The following YES1 variants were observed in gnomAD, a reference collection of about 807,000 sequenced individuals.
YES1 encodes tyrosine-protein kinase Yes.
Under a neutral mutation model 70.4 loss-of-function variants are expected in YES1, and 39 were observed. That is an observed-to-expected ratio of 0.55 (90% CI 0.43 to 0.72). The LOEUF (loss-of-function observed/expected upper bound fraction) is 0.72. YES1 is among the 30% of genes least tolerant of loss of function. The probability of loss-of-function intolerance (pLI) is 0.00; values close to 1 mark genes in which losing one functional copy is unlikely to be tolerated. For synonymous variants in YES1, 198 were observed against 218.6 expected (o/e 0.91, Z 0.83); for missense variants, 495 against 644.8 (o/e 0.77, Z 2.52).
intron 2 of YES1, among the ~76,000 whole-genome samples, chr18:754,799 T>C (rs549976997): frequency 3.9e-4 from 60 of 152,206 alleles, no homozygotes; most frequent in African/African-American, 1.4e-3. Flanking sequence ...ACCATCATTC[T>C]AGTTAGTTCC....
chr18:764,013 G>A (rs962060498), intron 1 of YES1, among the ~76,000 whole-genome samples: 11 of 151,640 alleles, frequency 7.3e-5, no homozygotes, highest in Non-Finnish European at 1.0e-4. Flanking sequence ...CCAGCTACTC[G>A]GGAGGCTGAG....
At chr18:798,838 T>C (rs531595656) in intron 1 of YES1, among the ~76,000 whole-genome samples, 2 of 152,314 alleles carry the variant, frequency 1.3e-5, no homozygotes, top group Non-Finnish European at 1.5e-5. Context: ...AGTGCACACA[T>C]CTTAAAATCC....
In YES1 at chr18:721,704, A is replaced by G. The variant is rs2079954123; in HGVS notation, c.*2720T>C. The G allele has an allele frequency of 6.6e-6, 1 of 152,212 alleles. No homozygotes were observed. Among genetic ancestry groups the G allele is most frequent in the African/African-American group, 2.4e-5 (1 of 41,456 alleles). 9.4% of individuals were successfully genotyped at this position (152,212 alleles called of 1,614,324 possible). A position where few individuals can be genotyped will look rare whatever the true frequency, so the allele number is the denominator to read the frequency against. On this transcript the variant is annotated 3_prime_UTR_variant, in exon 12 of 12. Transcript: ENST00000314574. ...ATAAATTCAGAATATATCAGTTTTT[A>G]AAAAACGAATGAGAATATGAATAGC... is the stretch of plus-strand genomic sequence containing the variant.
chr18:800,826 G>T (rs1291493133), intron 1 of YES1, among the ~76,000 whole-genome samples: 1 of 152,032 alleles, frequency 6.6e-6, no homozygotes, highest in Non-Finnish European at 1.5e-5. Context: ...GGTCGGGGAG[G>T]ATCATGCTCG....
At chr18:740,212 G>C (rs1047376070) in intron 8 of YES1, among the ~76,000 whole-genome samples, 4 of 152,176 alleles carry the variant, frequency 2.6e-5, no homozygotes, top group African/African-American at 9.7e-5. Flanking sequence ...ATGAGTCGCT[G>C]TGGAACTACT....
At chr18:803,213 T>C (rs566589728) in intron 1 of YES1, among the ~76,000 whole-genome samples, 8 of 152,282 alleles carry the variant, frequency 5.3e-5, no homozygotes, top group African/African-American at 1.7e-4. Flanking sequence ...CCAGCCTGGG[T>C]GTCAGAGTGA....
rs763992642 is a variant in YES1, at chr18:721,764, CTTT to C, written c.*2657_*2659del. ...GATTAATAGGTGCATTCAATGAGAA[CTTT>C]TTATTTCAATTATCCACAAAACAAT... On this transcript the variant is annotated 3_prime_UTR_variant, in exon 12 of 12. Coordinates refer to ENST00000314574, the MANE Select transcript of YES1 (RefSeq NM_005433.4). The C allele has an allele frequency of 1.6e-4, 25 of 152,278 alleles. No individual in the cohort carries two copies. Among genetic ancestry groups the C allele is most frequent in the Non-Finnish European group, 3.5e-4 (24 of 68,038 alleles). The allele number at this position is 152,278 out of a possible 1,614,324, so 9.4% of individuals were successfully genotyped here.
chr18:747,821 G>C (rs2080298032), intron 4 of YES1, 99 bp downstream of exon 4: 2 of 1,016,788 alleles, frequency 2.0e-6, no homozygotes, highest in Non-Finnish European at 3.0e-6. Flanking sequence ...ATTAAGACTG[G>C]TATATAATTC....
At chr18:748,886 C>T (rs1393408586) in intron 3 of YES1, among the ~76,000 whole-genome samples, 2 of 152,166 alleles carry the variant, frequency 1.3e-5, no homozygotes, top group East Asian at 3.8e-4. Context: ...CTGGGCCAGG[C>T]GTAGTGGCTC....
Position 722,872 on chromosome 18 carries a change from C to T in YES1, c.*1552G>A, listed in dbSNP as rs538987264. On this transcript the variant is annotated 3_prime_UTR_variant, in exon 12 of 12. Coordinates refer to ENST00000314574, the MANE Select transcript of YES1 (RefSeq NM_005433.4). ...CTTTGGGAGGCCGAGGCGGGCAGAT[C>T]ACAAGGTCAGGAGATCGAGACTATC... 2 of 152,182 alleles carry T rather than the reference C, an allele frequency of 1.3e-5. No individual in the cohort carries two copies. The highest frequency in any genetic ancestry group is 2.9e-5 in the Non-Finnish European group (2 of 68,044). The allele number at this position is 152,182 out of a possible 1,614,324, so 9.4% of individuals were successfully genotyped here.
chr18:731,659 G>C (rs2080088483), intron 11 of YES1, among the ~76,000 whole-genome samples: 1 of 152,086 alleles, frequency 6.6e-6, no homozygotes, highest in African/African-American at 2.4e-5. Context: ...CTTCCCCCTA[G>C]AAACTATATA....
intron 1 of YES1, among the ~76,000 whole-genome samples, chr18:766,073 C>T (rs1442024804): frequency 6.6e-6 from 1 of 152,180 alleles, no homozygotes; most frequent in East Asian, 1.9e-4. Flanking sequence ...CTTGGTTAGT[C>T]AACAGCCATT....
At chr18:749,366 C>T (rs928465914) in intron 3 of YES1, among the ~76,000 whole-genome samples, 12 of 151,724 alleles carry the variant, frequency 7.9e-5, no homozygotes, top group African/African-American at 1.9e-4. Flanking sequence ...GGAGTGGTGG[C>T]GTGTGCCTGT....
chr18:776,948 T>C (rs1333207618), intron 1 of YES1, among the ~76,000 whole-genome samples: 1 of 152,176 alleles, frequency 6.6e-6, no homozygotes, highest in Admixed American at 6.6e-5. Context: ...GCTTTCCCTA[T>C]CATCTACTAA....
chr18:779,226 A>AC (rs1481995907), intron 1 of YES1, among the ~76,000 whole-genome samples: 2 of 151,570 alleles, frequency 1.3e-5, no homozygotes, highest in Non-Finnish European at 2.9e-5. Context: ...ACAAAAGGAG[A>AC]CCCCCGTCCC....
At chr18:750,950 G>A (rs2145725851) in intron 3 of YES1, among the ~76,000 whole-genome samples, 1 of 152,252 alleles carries the variant, frequency 6.6e-6, no homozygotes, top group South Asian at 2.1e-4. Context: ...AGTTAGAAGA[G>A]GGGAGAAGCA....
intron 6 of YES1, among the ~76,000 whole-genome samples, chr18:745,317 T>C (rs1264841896): frequency 6.6e-6 from 1 of 152,212 alleles, no homozygotes; most frequent in African/African-American, 2.4e-5. Context: ...TAGGAAAGCT[T>C]ATGCGATCCA....
intron 1 of YES1, among the ~76,000 whole-genome samples, chr18:786,152 C>G (rs1905925665): frequency 6.7e-6 from 1 of 149,282 alleles, no homozygotes; most frequent in Admixed American, 6.9e-5. Flanking sequence ...CTAAGAAACC[C>G]TAAGATGCAA....
At chr18:753,224 T>C (rs932072774) in intron 2 of YES1, among the ~76,000 whole-genome samples, 4 of 152,180 alleles carry the variant, frequency 2.6e-5, no homozygotes, top group Non-Finnish European at 4.4e-5. Flanking sequence ...ACATGATGCT[T>C]TGAAATATAT....
Sources: allele counts gnomAD v4.1 joint callset (sites outside exome capture counted in the v4.1 genomes callset), GRCh38; gene constraint gnomAD v4.1.1; transcripts MANE v1.5; gene names NCBI Gene and HGNC (gene_info 2026-07-23, HGNC 2026-07-21).